JPT1: variants seen among roughly 807,000 people sequenced by gnomAD.
The protein encoded by JPT1 is androgen-regulated protein 2.
JPT1 carries 5 observed loss-of-function variants against 17.0 expected under a neutral mutation model. The ratio of observed to expected loss-of-function variants is 0.29; its 90% confidence interval spans 0.15 to 0.62. JPT1 has a LOEUF of 0.62. Among genes scored for constraint, JPT1 ranks in the 20% least tolerant of loss-of-function variants. The pLI, the probability that JPT1 is intolerant of heterozygous loss-of-function variation, is 0.85. For synonymous variants in JPT1, 71 were observed against 73.6 expected (o/e 0.96, Z 0.18); for missense variants, 158 against 188.1 (o/e 0.84, Z 0.94).
At chr17:75,146,206 T>TATA (rs1217012519) in intron 4 of JPT1, among the ~76,000 whole-genome samples, 1 of 152,184 alleles carries the variant, frequency 6.6e-6, no homozygotes, top group Non-Finnish European at 1.5e-5. Flanking sequence ...CAGACTGGAG[T>TATA]ATAACGGTGT....
intron 1 of JPT1, among the ~76,000 whole-genome samples, chr17:75,152,643 T>A (rs1316562204): frequency 6.6e-6 from 1 of 152,164 alleles, no homozygotes; most frequent in Non-Finnish European, 1.5e-5. Flanking sequence ...ATTACTGAAA[T>A]TCTTTACAAA....
chr17:75,139,010 G>A (rs2074260530), intron 4 of JPT1, among the ~76,000 whole-genome samples: 1 of 152,100 alleles, frequency 6.6e-6, no homozygotes, highest in South Asian at 2.1e-4. Flanking sequence ...AACTCAGAGA[G>A]GGTCACCCAT....
intron 4 of JPT1, among the ~76,000 whole-genome samples, chr17:75,143,656 C>T (rs751490419): frequency 7.3e-5 from 11 of 151,472 alleles, no homozygotes; most frequent in African/African-American, 2.4e-4. Context: ...GCCAACATGG[C>T]GAAACCCTGT....
At position 75,154,464 on chromosome 17, in the gene JPT1, T is replaced by C. The variant is rs191312728; in HGVS notation, c.-67A>G. 7.8e-4 allele frequency: 1,133 copies of C among 1,449,522 alleles called. 7 individuals carry two copies. The African/African-American group carries it at 0.013, about 16-fold the overall frequency. 89.8% of individuals were successfully genotyped at this position (1,449,522 alleles called of 1,614,324 possible). ...TCAAAGGGTCGGACCCGAGGGGCGC[T>C]GGGAAACTCCACACCCAACAGCCGA... On this transcript the variant is annotated 5_prime_UTR_variant, in exon 1 of 5. Coordinates refer to ENST00000409753, the MANE Select transcript of JPT1 (RefSeq NM_016185.4).
At chr17:75,136,313 ATC>A (rs1229778427) in intron 4 of JPT1, 63 bp from the exon 5 acceptor site, 4 of 1,462,980 alleles carry the variant, frequency 2.7e-6, no homozygotes, top group East Asian at 4.6e-5. Context: ...AAGATCAAGG[ATC>A]TGTTTCTCTT....
At chr17:75,141,883 A>G (rs2074317040) in intron 4 of JPT1, among the ~76,000 whole-genome samples, 5 of 151,986 alleles carry the variant, frequency 3.3e-5, no homozygotes, top group Admixed American at 3.3e-4. Flanking sequence ...AGCCTGGTGA[A>G]TATGGTGAAA....
rs780975012 is a variant in JPT1, at chr17:75,136,207, T to C, written c.360A>G (p.Glu120=). 9.3e-6 allele frequency: 15 copies of C among 1,612,318 alleles called. No individual in the cohort carries two copies. The Admixed American group carries it at 1.8e-4, about 20-fold the overall frequency. Residue 120 remains glutamate, a synonymous_variant, in exon 5 of 5, where the codon GAA becomes GAG. Transcript: ENST00000409753. ...TDLPGSLGQS[E]EKPVPAAPVP... ...CAGGCGCAGCAGGCACGGGCTTCTC[T>C]TCACTCTGCCCCAGGCTGCCTGGCA...
Position 75,135,903 on chromosome 17 carries a change from ACT to A in JPT1, c.*197_*198del. On this transcript the variant is annotated 3_prime_UTR_variant, in exon 5 of 5. Transcript: ENST00000409753. ...TCCCTCCAATCTACTACTAGAAAAC[ACT>A]CATGCCATGGCCCACAGACCCAAGA... 8.9e-7 allele frequency: 1 copy of A among 1,123,512 alleles called. No homozygotes were observed. 69.6% of individuals were successfully genotyped at this position (1,123,512 alleles called of 1,614,324 possible).
chr17:75,135,317 T>C lies in JPT1; in HGVS notation c.*785A>G, dbSNP rs2074171246. Reference sequence around the variant, plus strand: ...TGTGAAGTACAACACATTTTAAGGATGAGACTTTCCTTTCATGGTCAAGCA... The same window carrying C: ...TGTGAAGTACAACACATTTTAAGGACGAGACTTTCCTTTCATGGTCAAGCA... On this transcript the variant is annotated 3_prime_UTR_variant, in exon 5 of 5. Coordinates refer to ENST00000409753, the MANE Select transcript of JPT1 (RefSeq NM_016185.4). The C allele has an allele frequency of 6.5e-6, 1 of 152,688 alleles. No individual in the cohort carries two copies. The highest frequency in any genetic ancestry group is 2.4e-5 in the African/African-American group (1 of 41,462). 9.5% of individuals were successfully genotyped at this position (152,688 alleles called of 1,614,324 possible).
rs777036937 is a variant in JPT1, at chr17:75,136,256, A to C, written c.317-6T>G. 6 of 1,570,838 alleles carry C rather than the reference A, an allele frequency of 3.8e-6. No individual in the cohort carries two copies. The highest frequency in any genetic ancestry group is 4.3e-6 in the Non-Finnish European group (5 of 1,156,064). On this transcript the variant is annotated splice_region_variant and splice_polypyrimidine_tract_variant and intron_variant, in intron 4 of 4. Transcript: ENST00000409753. ...CAAGTCTGTGTCCACATTTTCTATGAAAACAGGGAATAGAAATAATACTCA... is the reference window on the plus strand; with the variant it reads ...CAAGTCTGTGTCCACATTTTCTATGCAAACAGGGAATAGAAATAATACTCA...
chr17:75,149,862 T>TACACACACACACAC (rs58993126), intron 1 of JPT1, among the ~76,000 whole-genome samples: 11 of 147,488 alleles, frequency 7.5e-5, no homozygotes, highest in African/African-American at 2.5e-4. Flanking sequence ...CTTACACACT[T>TACACACACACACAC]ACACACACAC....
At chr17:75,147,251 A>G (rs1377626249) in intron 3 of JPT1, among the ~76,000 whole-genome samples, 1 of 151,826 alleles carries the variant, frequency 6.6e-6, no homozygotes, top group African/African-American at 2.4e-5. Context: ...TTCAACGCAA[A>G]GCAGTTCTGA....
rs2074602988 is a variant in JPT1, at chr17:75,154,413, G to C, written c.-16C>G. ...TTGTGGTCATGGCGCCGAGGAGCGAGGTAGGCTGGCGCCGGAGCAGAACGC... is the reference window on the plus strand; with the variant it reads ...TTGTGGTCATGGCGCCGAGGAGCGACGTAGGCTGGCGCCGGAGCAGAACGC... On this transcript the variant is annotated 5_prime_UTR_variant, in exon 1 of 5. Coordinates refer to ENST00000409753, the MANE Select transcript of JPT1 (RefSeq NM_016185.4). 2 of 1,547,752 alleles carry C rather than the reference G, an allele frequency of 1.3e-6. No homozygotes were observed. The highest frequency in any genetic ancestry group is 1.7e-6 in the Non-Finnish European group (2 of 1,145,618).
chr17:75,149,994 T>A (rs2074516867), intron 1 of JPT1, among the ~76,000 whole-genome samples: 1 of 152,188 alleles, frequency 6.6e-6, no homozygotes, highest in Non-Finnish European at 1.5e-5. Context: ...ATTCTCACAA[T>A]AAACATAAGT....
In JPT1 at chr17:75,135,448, C is replaced by CT. The variant is rs1248438413; in HGVS notation, c.*653dup. The CT allele has an allele frequency of 6.6e-6, 1 of 152,320 alleles. No individual in the cohort carries two copies. Among genetic ancestry groups the CT allele is most frequent in the Non-Finnish European group, 1.5e-5 (1 of 68,082 alleles). 9.4% of individuals were successfully genotyped at this position (152,320 alleles called of 1,614,324 possible). The stretch of plus-strand genomic sequence containing the variant: ...TGTGATTGCCTCCCTTGCTTCACTG[C>CT]TTTTAGTTCCAGGCAGTTTCATTGT... On this transcript the variant is annotated 3_prime_UTR_variant, in exon 5 of 5. Transcript: ENST00000409753.
At chr17:75,139,131 A>G (rs1037282292) in intron 4 of JPT1, among the ~76,000 whole-genome samples, 1 of 152,200 alleles carries the variant, frequency 6.6e-6, no homozygotes, top group Non-Finnish European at 1.5e-5. Context: ...AATTGTAAAT[A>G]TAAAAGAAAA....
rs778452614 is a variant in JPT1, at chr17:75,135,985, A to T, written c.*117T>A. ...AAAGAAAAAAAAAAAAGACAGCAGT[A>T]CATAAAGTGCTTCTTTTTAATGAAA... On this transcript the variant is annotated 3_prime_UTR_variant, in exon 5 of 5. Coordinates refer to ENST00000409753, the MANE Select transcript of JPT1 (RefSeq NM_016185.4). The T allele has an allele frequency of 6.2e-7, 1 of 1,603,434 alleles. No individual in the cohort carries two copies. The highest frequency in any genetic ancestry group is 8.5e-7 in the Non-Finnish European group (1 of 1,174,028).
At chr17:75,152,460 G>A (rs1052074743) in intron 1 of JPT1, among the ~76,000 whole-genome samples, 5 of 152,178 alleles carry the variant, frequency 3.3e-5, no homozygotes, top group African/African-American at 1.2e-4. Context: ...TAGAAAAAGG[G>A]AAGGTAGAGA....
chr17:75,140,632 A>T (rs1430386202), intron 4 of JPT1, among the ~76,000 whole-genome samples: 27 of 152,322 alleles, frequency 1.8e-4, no homozygotes, highest in Non-Finnish European at 1.5e-5. Flanking sequence ...ATTTAAACTG[A>T]ATTGGGGTTG....
Sources: gnomAD v4.1 joint callset for allele counts (sites outside exome capture counted in the v4.1 genomes callset) on GRCh38, gnomAD v4.1.1 for gene constraint, MANE v1.5 for transcripts, NCBI Gene and HGNC (gene_info 2026-07-23, HGNC 2026-07-21) for gene names.